Variants in HPSE2 observed in about 807,000 individuals in gnomAD.
HPSE2 encodes the protein inactive heparanase-2.
Under a neutral mutation model 60.5 loss-of-function variants are expected in HPSE2, and 38 were observed. That is an observed-to-expected ratio of 0.63 (90% CI 0.48 to 0.82). The LOEUF is 0.82. Among genes scored for constraint, HPSE2 ranks in the 40% least tolerant of loss-of-function variants. The pLI, the probability that HPSE2 is intolerant of heterozygous loss-of-function variation, is 0.00. For missense variants in HPSE2, 713 were observed against 740.4 expected (o/e 0.96, Z 0.43); for synonymous variants, 295 against 293.2 (o/e 1.01, Z -0.06).
the HPSE2 span, among the ~76,000 whole-genome samples, chr10:99,305,961 A>ATACGCGCGCGCG: frequency 2.8e-4 from 29 of 103,050 alleles, 2 homozygotes; most frequent in African/African-American, 3.9e-4. Flanking sequence ...ACTCACACAC[A>ATACGCGCGCGCG]CGCGCGCGCG....
intron 3 of HPSE2, among the ~76,000 whole-genome samples, chr10:99,125,820 T>G (rs1165219084): frequency 6.6e-6 from 1 of 152,150 alleles, no homozygotes; most frequent in African/African-American, 2.4e-5. Context: ...GCACTCCTAG[T>G]CTTTAGCTCG....
At chr10:99,204,590 GATAA>G (rs756828238) in intron 2 of HPSE2, among the ~76,000 whole-genome samples, 1 of 152,166 alleles carries the variant, frequency 6.6e-6, no homozygotes. Flanking sequence ...TAAACCGCCT[GATAA>G]ATAATTTAAA....
intron 3 of HPSE2, among the ~76,000 whole-genome samples, chr10:99,061,282 A>G (rs559648172): frequency 6.6e-5 from 10 of 152,106 alleles, no homozygotes; most frequent in Non-Finnish European, 1.5e-5. Context: ...CAGATGACCC[A>G]GTATGCATCC....
chr10:98,703,728 T>C (rs1180976002), intron 5 of HPSE2, among the ~76,000 whole-genome samples: 1 of 152,206 alleles, frequency 6.6e-6, no homozygotes. Context: ...CATCTCTTCA[T>C]GTTAGAAACT....
intron 5 of HPSE2, among the ~76,000 whole-genome samples, chr10:98,720,198 G>C (rs572692965): frequency 1.3e-5 from 2 of 152,174 alleles, no homozygotes; most frequent in South Asian, 4.1e-4. Flanking sequence ...ACTTAATAAC[G>C]AATTGAGTGT....
chr10:99,300,788 T>A, the HPSE2 span, among the ~76,000 whole-genome samples: 2 of 152,202 alleles, frequency 1.3e-5, no homozygotes, highest in Admixed American at 6.5e-5. Context: ...GAGCTGTTAA[T>A]ATACCCCCAG....
the HPSE2 span, among the ~76,000 whole-genome samples, chr10:99,270,132 C>T: frequency 1.4e-4 from 21 of 152,102 alleles, no homozygotes; most frequent in Non-Finnish European, 2.4e-4. Context: ...ATAACAAGAT[C>T]AGAGAACTAA....
At chr10:99,290,639 T>C in the HPSE2 span, among the ~76,000 whole-genome samples, 3 of 152,150 alleles carry the variant, frequency 2.0e-5, no homozygotes, top group Admixed American at 2.0e-4. Flanking sequence ...TATTGGCCCA[T>C]AGTGGGTTGG....
chr10:99,064,551 T>C (rs146406285), intron 3 of HPSE2, among the ~76,000 whole-genome samples: 233 of 152,102 alleles, frequency 1.5e-3, no homozygotes, highest in African/African-American at 5.4e-3. Context: ...GACCTTACTA[T>C]AGTTATATGC....
At chr10:98,797,670 C>G (rs545048319) in intron 3 of HPSE2, among the ~76,000 whole-genome samples, 4 of 151,710 alleles carry the variant, frequency 2.6e-5, no homozygotes, top group Non-Finnish European at 4.4e-5. Context: ...GGTGAAACCC[C>G]GTCTCTACTA....
chr10:98,875,757 CA>C (rs1952860916), intron 3 of HPSE2, among the ~76,000 whole-genome samples: 1 of 151,970 alleles, frequency 6.6e-6, no homozygotes, highest in East Asian at 1.9e-4. Flanking sequence ...ATTCTAGTTT[CA>C]ATCCTCCGTG....
chr10:99,179,148 C>T (rs1325758929), intron 2 of HPSE2, among the ~76,000 whole-genome samples: 1 of 152,180 alleles, frequency 6.6e-6, no homozygotes, highest in Non-Finnish European at 1.5e-5. Flanking sequence ...TTATGACAAA[C>T]TCACAACCAA....
intron 9 of HPSE2, among the ~76,000 whole-genome samples, chr10:98,560,373 T>C (rs1025962531): frequency 6.6e-6 from 1 of 152,170 alleles, no homozygotes; most frequent in African/African-American, 2.4e-5. Flanking sequence ...CCAGATTTCA[T>C]CGTGACAAAC....
chr10:98,852,785 T>C (rs1014902431), intron 3 of HPSE2, among the ~76,000 whole-genome samples: 2 of 152,248 alleles, frequency 1.3e-5, no homozygotes, highest in South Asian at 4.1e-4. Context: ...CTACACACCT[T>C]GTAGCCCTAT....
intron 1 of HPSE2, 94 bp from the exon 2 acceptor site, chr10:99,232,599 C>T: frequency 7.2e-7 from 1 of 1,383,604 alleles, no homozygotes; most frequent in Non-Finnish European, 1.0e-6. Context: ...TCCCTGAGGG[C>T]GACCTGGCCG....
In HPSE2 at chr10:98,939,995, C is replaced by T. The variant is rs1297726327; in HGVS notation, c.611-195939G>A. ...TCCTGAATGACTACTGGGTACACAA[C>T]GAAATGAAGGCAGAAATAAAGATGT... On this transcript the variant is annotated intron_variant, in intron 3 of 11. Transcript: ENST00000370552. Among the ~76,000 whole-genome samples, 6 of 143,476 alleles carry T rather than the reference C, an allele frequency of 4.2e-5. 1 individual carries two copies. The highest frequency in any genetic ancestry group is 6.0e-5 in the Non-Finnish European group (4 of 67,104). The allele number at this position is 143,476 out of a possible 152,430, so 94.1% of individuals were successfully genotyped here.
At chr10:98,519,027 G>A (rs1432556446) in intron 9 of HPSE2, among the ~76,000 whole-genome samples, 1 of 151,994 alleles carries the variant, frequency 6.6e-6, no homozygotes, top group African/African-American at 2.4e-5. Context: ...AAATGAAGTG[G>A]GCAAAAAAGA....
chr10:99,051,395 C>A lies in HPSE2; in HGVS notation c.610+92843G>T, dbSNP rs557996260. Among the ~76,000 whole-genome samples, 4 of 152,202 alleles carry A rather than the reference C, an allele frequency of 2.6e-5. No homozygotes were observed. The East Asian group carries it at 7.7e-4, about 29-fold the overall frequency. ...GCACATAAACAAAAAAAAGAAAGAC[C>A]TATAAATAATAACTTACCCAATACT... On this transcript the variant is annotated intron_variant, in intron 3 of 11. Transcript: ENST00000370552.
At chr10:99,111,369 C>T (rs1205664427) in intron 3 of HPSE2, among the ~76,000 whole-genome samples, 1 of 152,124 alleles carries the variant, frequency 6.6e-6, no homozygotes, top group East Asian at 1.9e-4. Context: ...AAGAGAGCCT[C>T]TGTAATTCTG....
Sources: gnomAD v4.1 joint callset for allele counts (sites outside exome capture counted in the v4.1 genomes callset) on GRCh38, gnomAD v4.1.1 for gene constraint, MANE v1.5 for transcripts, NCBI Gene and HGNC (gene_info 2026-07-23, HGNC 2026-07-21) for gene names.